The following CHIC2 variants were observed in gnomAD, a reference collection of about 807,000 sequenced individuals.
CHIC2 encodes cysteine-rich hydrophobic domain-containing protein 2.
In CHIC2, 14 loss-of-function variants were observed where a neutral mutation model predicts 25.9. The ratio of observed to expected loss-of-function variants is 0.54; its 90% CI spans 0.36 to 0.85. The LOEUF is 0.85. Among genes scored for constraint, CHIC2 ranks in the 40% least tolerant of loss-of-function variants. The pLI, the probability that CHIC2 is intolerant of heterozygous loss-of-function variation, is 0.01. For synonymous variants in CHIC2, 70 were observed against 72.0 expected (o/e 0.97, Z 0.14); for missense variants, 146 against 202.0 (o/e 0.72, Z 1.68).
At chr4:54,036,837 C>A in intron 3 of CHIC2, among the ~76,000 whole-genome samples, 1 of 150,856 alleles carries the variant, frequency 6.6e-6, no homozygotes, top group South Asian at 2.1e-4. Context: ...TGACATATGA[C>A]CAAGGCATTC....
chr4:54,052,943 T>C (rs1717051851), intron 1 of CHIC2, among the ~76,000 whole-genome samples: 1 of 152,136 alleles, frequency 6.6e-6, no homozygotes, highest in Non-Finnish European at 1.5e-5. Context: ...TAAATATGTA[T>C]CTATTTACAA....
At chr4:54,073,569 AC>A in the CHIC2 span, among the ~76,000 whole-genome samples, 1 of 152,174 alleles carries the variant, frequency 6.6e-6, no homozygotes, top group Non-Finnish European at 1.5e-5. Flanking sequence ...GGAGTGAGCC[AC>A]CCTAAAATTG....
chr4:54,022,856 G>A (rs1413193180), intron 3 of CHIC2, among the ~76,000 whole-genome samples: 2 of 152,174 alleles, frequency 1.3e-5, no homozygotes, highest in Non-Finnish European at 1.5e-5. Context: ...TTACAGCATG[G>A]CCTTTTAAAG....
Position 54,010,087 on chromosome 4 carries a change from A to C in CHIC2, c.*8T>G, listed in dbSNP as rs556357580. ...ATACTTGGAAAGTCTCTATAAATAA[A>C]GTAAATGCTAATCTGGTCGAAAAAT... is the stretch of plus-strand genomic sequence containing the variant. On this transcript the variant is annotated 3_prime_UTR_variant, in exon 6 of 6. Transcript: ENST00000263921. The C allele has an allele frequency of 1.3e-6, 2 of 1,588,442 alleles. No individual in the cohort carries two copies. Among genetic ancestry groups the C allele is most frequent in the East Asian group, 2.2e-5 (1 of 44,674 alleles).
intron 3 of CHIC2, among the ~76,000 whole-genome samples, chr4:54,045,386 T>C (rs1322398652): frequency 2.6e-5 from 4 of 152,122 alleles, no homozygotes; most frequent in Admixed American, 1.3e-4. Flanking sequence ...TGAACAGTGA[T>C]GCAAAAATTC....
the CHIC2 span, among the ~76,000 whole-genome samples, chr4:54,082,784 G>T: frequency 6.6e-6 from 1 of 152,130 alleles, no homozygotes; most frequent in South Asian, 2.1e-4. Flanking sequence ...AGTCCTTAGA[G>T]GAGGGAAGTG....
chr4:54,083,235 G>A, the CHIC2 span, among the ~76,000 whole-genome samples: 3 of 151,342 alleles, frequency 2.0e-5, no homozygotes, highest in East Asian at 1.9e-4. Context: ...GGCTGGTCTC[G>A]AACTCCTGAC....
At chr4:54,066,477 G>T (rs1577993386), upstream of CHIC2, among the ~76,000 whole-genome samples, 1 of 152,046 alleles carries the variant, frequency 6.6e-6, no homozygotes, top group Non-Finnish European at 1.5e-5. Context: ...AGCAAAGAGG[G>T]TGTATTTATT....
intron 3 of CHIC2, among the ~76,000 whole-genome samples, chr4:54,015,983 C>T (rs1021136056): frequency 6.6e-6 from 1 of 152,148 alleles, no homozygotes; most frequent in South Asian, 2.1e-4. Flanking sequence ...ATCTGCCTGC[C>T]CACCCGCTGC....
chr4:54,013,880 C>A lies in CHIC2; in HGVS notation c.404G>T (p.Arg135Ile). Residue 135 changes from arginine (R) to isoleucine (I), a missense_variant, in exon 5 of 6, where the codon AGA becomes ATA. Arg to Ile is a moderately conservative substitution (Grantham distance 97). Coordinates refer to ENST00000263921, the MANE Select transcript of CHIC2 (RefSeq NM_012110.4). Reference protein sequence around the residue: ...RLYHKLCLHWRLSKRKCETNN... With the variant: ...RLYHKLCLHWILSKRKCETNN... ...CGTTTCACATTTCCTTTTGCTCAGT[C>A]TCCAATGCAAGCACAGCTAGACAAG... 1 of 1,613,408 alleles carries A rather than the reference C, an allele frequency of 6.2e-7. No individual in the cohort carries two copies. The highest frequency in any genetic ancestry group is 8.5e-7 in the Non-Finnish European group (1 of 1,179,538).
At chr4:54,052,111 T>C (rs933240905) in intron 1 of CHIC2, among the ~76,000 whole-genome samples, 2 of 139,684 alleles carry the variant, frequency 1.4e-5, no homozygotes, top group Non-Finnish European at 1.6e-5. Flanking sequence ...ATGTTTTTCA[T>C]CCCTGCCAAA....
chr4:54,089,030 C>CTGCAAG, the CHIC2 span, among the ~76,000 whole-genome samples: 1 of 152,156 alleles, frequency 6.6e-6, no homozygotes, highest in Non-Finnish European at 1.5e-5. Context: ...GGGCATCTTC[C>CTGCAAG]TGCAAGTGTA....
intron 3 of CHIC2, among the ~76,000 whole-genome samples, chr4:54,036,384 C>G (rs1156354175): frequency 6.6e-6 from 1 of 152,168 alleles, no homozygotes; most frequent in Non-Finnish European, 1.5e-5. Context: ...GCACTGGCAT[C>G]TGCTCAGCTT....
the CHIC2 span, among the ~76,000 whole-genome samples, chr4:54,077,425 A>G: frequency 6.6e-6 from 1 of 152,174 alleles, no homozygotes; most frequent in Non-Finnish European, 1.5e-5. Context: ...ATTGCAGTGC[A>G]GTGGAAAGGG....
intron 3 of CHIC2, among the ~76,000 whole-genome samples, chr4:54,043,145 G>C (rs904067763): frequency 2.6e-5 from 4 of 152,158 alleles, no homozygotes; most frequent in Non-Finnish European, 4.4e-5. Flanking sequence ...GTCTCGGCCA[G>C]GCGCGGTGGC....
chr4:54,087,068 T>G, the CHIC2 span: 1 of 1,108,244 alleles, frequency 9.0e-7, no homozygotes, highest in Non-Finnish European at 1.4e-6. Flanking sequence ...AGCAGAAAAA[T>G]CTTGAACCAC....
At chr4:54,053,427 GC>G (rs879572679) in intron 1 of CHIC2, among the ~76,000 whole-genome samples, 3 of 152,134 alleles carry the variant, frequency 2.0e-5, no homozygotes, top group African/African-American at 4.8e-5. Context: ...GTGGTGGTGG[GC>G]ACCTGTAATC....
At chr4:54,021,909 G>A (rs925753758) in intron 3 of CHIC2, among the ~76,000 whole-genome samples, 2 of 152,072 alleles carry the variant, frequency 1.3e-5, no homozygotes, top group Admixed American at 1.3e-4. Flanking sequence ...CCTTCAAGGT[G>A]TACAATAATA....
chr4:54,065,641 C>T (rs6851993), upstream of CHIC2, among the ~76,000 whole-genome samples: 60,302 of 152,064 alleles, frequency 0.4, 12,988 homozygotes, highest in African/African-American at 0.56. Context: ...ATATAAACAG[C>T]ACAGGGGAAG....
Sources: allele counts gnomAD v4.1 joint callset (sites outside exome capture counted in the v4.1 genomes callset), GRCh38; gene constraint gnomAD v4.1.1; transcripts MANE v1.5; gene names NCBI Gene and HGNC (gene_info 2026-07-23, HGNC 2026-07-21).